Variants in SCOC observed in about 807,000 individuals in gnomAD.
SCOC encodes short coiled coil protein.
Under a neutral mutation model 9.9 loss-of-function variants are expected in SCOC, and 7 were observed. The ratio of observed to expected loss-of-function variants is 0.71; its 90% CI spans 0.40 to 1.33. The LOEUF is 1.33. SCOC is among the 40% of genes most tolerant of loss of function. The probability of loss-of-function intolerance (pLI) is 0.01; values close to 1 mark genes in which losing one functional copy is unlikely to be tolerated. For synonymous variants in SCOC, 19 were observed against 28.2 expected (o/e 0.67, Z 1.03); for missense variants, 66 against 89.7 (o/e 0.74, Z 1.07).
At position 140,338,257 on chromosome 4, in the gene SCOC, G is replaced by C. The variant is rs1476232521; in HGVS notation, c.-18-5364G>C. 2.0e-5 allele frequency among the ~76,000 whole-genome samples: 3 copies of C among 152,126 alleles called. No individual in the cohort carries two copies. In the East Asian group the frequency reaches 5.8e-4, roughly 29 times the overall value. Reference sequence around the variant, plus strand: ...TCAACAAAATTCAACAGCCCTTCATGCTAAAAACTCTCAATAAATTAGGTA... The same window carrying C: ...TCAACAAAATTCAACAGCCCTTCATCCTAAAAACTCTCAATAAATTAGGTA... On this transcript the variant is annotated intron_variant, in intron 1 of 4. Transcript: ENST00000394205.
chr4:140,267,892 C>T (rs1427253031), intron 1 of SCOC, among the ~76,000 whole-genome samples: 1 of 152,142 alleles, frequency 6.6e-6, no homozygotes, highest in South Asian at 2.1e-4. Flanking sequence ...GGTTAGATCC[C>T]GACCGATACA....
chr4:140,278,383 T>C (rs1731030688), intron 1 of SCOC, among the ~76,000 whole-genome samples: 2 of 151,862 alleles, frequency 1.3e-5, no homozygotes, highest in Non-Finnish European at 2.9e-5. Context: ...CACTGCGAGC[T>C]CGGCCTCCTG....
At position 140,307,296 on chromosome 4, in the gene SCOC, CT is replaced by C. The variant is rs574122716; in HGVS notation, c.-18-36324del. Among the ~76,000 whole-genome samples the C allele has an allele frequency of 1.4e-3, 213 of 152,344 alleles. 3 individuals are homozygous for C. The highest frequency in any genetic ancestry group is 5.1e-3 in the African/African-American group (210 of 41,576). On this transcript the variant is annotated intron_variant, in intron 1 of 4. Transcript: ENST00000394205. ...CACTACTCAGTCCTCTGCTGATCTT[CT>C]GGTAGAGCATACTCTGCTAAAATCA...
intron 1 of SCOC, among the ~76,000 whole-genome samples, chr4:140,271,188 C>A (rs753581057): frequency 2.6e-5 from 4 of 152,156 alleles, no homozygotes; most frequent in Non-Finnish European, 4.4e-5. Context: ...CTGCTGCTGC[C>A]CCCACTCAGA....
At chr4:140,370,775 G>T (rs1326450529), upstream of SCOC, among the ~76,000 whole-genome samples, 2 of 152,172 alleles carry the variant, frequency 1.3e-5, no homozygotes, top group East Asian at 3.9e-4. Flanking sequence ...ATTAGTGAAG[G>T]TAAACATTTT....
upstream of SCOC, chr4:140,369,360 G>A (rs1193718803): frequency 1.4e-5 from 5 of 368,178 alleles, no homozygotes; most frequent in Middle Eastern, 3.7e-4. Context: ...CCTTTCAAGT[G>A]AAAAAAATGA....
chr4:140,298,578 TTTCTTGGGGACCCACCAGCCTCTGAG>T (rs1397566019), intron 1 of SCOC, among the ~76,000 whole-genome samples: 4 of 152,160 alleles, frequency 2.6e-5, no homozygotes, highest in East Asian at 3.9e-4. Context: ...CTCTGGAATG[TTTCTTGGGGACCCACCAGCCTCTGAG>T]TTCTTGGGGA....
At chr4:140,334,093 C>CT (rs970765919) in intron 1 of SCOC, among the ~76,000 whole-genome samples, 7 of 151,994 alleles carry the variant, frequency 4.6e-5, no homozygotes, top group East Asian at 1.9e-4. Context: ...TTAAAAAAAT[C>CT]TTTTTTGTAG....
At chr4:140,380,418 T>C (rs1728527422) in intron 3 of SCOC, among the ~76,000 whole-genome samples, 1 of 151,980 alleles carries the variant, frequency 6.6e-6, no homozygotes, top group Admixed American at 6.6e-5. Flanking sequence ...CAGGCTGGTC[T>C]CAAACTCCTG....
intron 2 of SCOC, among the ~76,000 whole-genome samples, chr4:140,364,707 T>C (rs72716348): frequency 6.6e-6 from 1 of 152,332 alleles, no homozygotes; most frequent in Non-Finnish European, 1.5e-5. Context: ...GAACCCTTTT[T>C]CTGGATTGTT....
chr4:140,319,146 C>CA (rs1342658563), intron 1 of SCOC, among the ~76,000 whole-genome samples: 1 of 152,158 alleles, frequency 6.6e-6, no homozygotes, highest in Non-Finnish European at 1.5e-5. Flanking sequence ...GGCTGGAGTG[C>CA]AACCACACAA....
chr4:140,258,930 A>G (rs1402382959), intron 1 of SCOC, among the ~76,000 whole-genome samples: 1 of 152,208 alleles, frequency 6.6e-6, no homozygotes, highest in Non-Finnish European at 1.5e-5. Context: ...GAGCCAGAGT[A>G]TTTTCACTAA....
upstream of SCOC, among the ~76,000 whole-genome samples, chr4:140,340,429 C>T (rs188329564): frequency 2.0e-5 from 3 of 151,214 alleles, no homozygotes; most frequent in Non-Finnish European, 2.9e-5. Context: ...CAAACCTGCA[C>T]GTGGTACACA....
chr4:140,311,447 T>C (rs1732153573), intron 1 of SCOC, among the ~76,000 whole-genome samples: 1 of 152,132 alleles, frequency 6.6e-6, no homozygotes, highest in Non-Finnish European at 1.5e-5. Flanking sequence ...TATCCAGTCA[T>C]CTACAATGAA....
In SCOC at chr4:140,385,158, T is replaced by TC. The variant is rs1355754998; in HGVS notation, c.*4056dup. 3.9e-5 allele frequency: 6 copies of TC among 152,200 alleles called. No individual in the cohort carries two copies. The highest frequency in any genetic ancestry group is 1.4e-4 in the African/African-American group (6 of 41,454). 9.4% of individuals were successfully genotyped at this position (152,200 alleles called of 1,614,324 possible). ...ACACTGCCATTCTATGCAAAATGTG[T>TC]CCTCTTTATAGTCCCTTTGGACTCA... is the stretch of plus-strand genomic sequence containing the variant. On this transcript the variant is annotated 3_prime_UTR_variant, in exon 4 of 4. Transcript: ENST00000608372.
In SCOC at chr4:140,299,969, A is replaced by G. The variant is rs1413331879; in HGVS notation, c.-19+42559A>G. ...CACTAAGCCCACTAATGGGGGTAAG[A>G]GAGTGTGCAAAATCACATCACAGTC... On this transcript the variant is annotated intron_variant, in intron 1 of 4. Transcript: ENST00000394205. Among the ~76,000 whole-genome samples, 2 of 152,176 alleles carry G rather than the reference A, an allele frequency of 1.3e-5. 1 individual carries two copies. The highest frequency in any genetic ancestry group is 2.9e-5 in the Non-Finnish European group (2 of 68,036).
intron 1 of SCOC, chr4:140,293,261 C>G (rs1212911656): frequency 2.2e-6 from 1 of 455,742 alleles, no homozygotes; most frequent in Admixed American, 2.4e-5. Context: ...CCCCACATAC[C>G]ACTCAAGATG....
At chr4:140,317,752 G>A (rs557040145) in intron 1 of SCOC, among the ~76,000 whole-genome samples, 1 of 150,074 alleles carries the variant, frequency 6.7e-6, no homozygotes, top group East Asian at 2.0e-4. Flanking sequence ...CATTGTGCAG[G>A]TTAGTTACAT....
chr4:140,279,259 A>T (rs1489470582), intron 1 of SCOC, among the ~76,000 whole-genome samples: 1 of 152,154 alleles, frequency 6.6e-6, no homozygotes. Context: ...TCCAGGTCAG[A>T]TTTCTTTATG....
Sources: gnomAD v4.1 joint callset for allele counts (sites outside exome capture counted in the v4.1 genomes callset) on GRCh38, gnomAD v4.1.1 for gene constraint, MANE v1.5 for transcripts, NCBI Gene and HGNC (gene_info 2026-07-23, HGNC 2026-07-21) for gene names.